PPP1R12C: variants seen among roughly 807,000 people sequenced by gnomAD.
The protein encoded by PPP1R12C is leukocyte receptor cluster (LRC) encoded novel gene 3.
A neutral mutation model predicts 95.6 loss-of-function variants in PPP1R12C; 48 were observed. The observed-to-expected ratio is 0.50, with a 90% confidence interval of 0.40 to 0.64. PPP1R12C has a LOEUF of 0.64. Among genes scored for constraint, PPP1R12C ranks in the 30% least tolerant of loss-of-function variants. The probability of loss-of-function intolerance (pLI) is 0.00; values close to 1 mark genes in which losing one functional copy is unlikely to be tolerated. For missense variants in PPP1R12C, 1,057 were observed against 1,083.3 expected (o/e 0.98, Z 0.34); for synonymous variants, 480 against 460.8 (o/e 1.04, Z -0.53).
chr19:55,101,020 G>C (rs561458133), intron 4 of PPP1R12C, among the ~76,000 whole-genome samples: 1 of 152,060 alleles, frequency 6.6e-6, no homozygotes, highest in South Asian at 2.1e-4. Flanking sequence ...AGGCTGAGGC[G>C]GGCAGATCAC....
Position 55,117,491 on chromosome 19 carries a change from GCAGCCGCCGCCGCCGCCCCCGGGC to G in PPP1R12C, c.29_52del (p.Gly10_Ala17del), listed in dbSNP as rs1354893234. On this transcript the variant is annotated inframe_deletion, in exon 1 of 22. Transcript: ENST00000263433. ...CAGCTGCTCCCGTCGCCGCTCCCGG[GCAGCCGCCGCCGCCGCCCCCGGGC>G]CAGCCGCCGGGCCATCCTCTCCGGA... 8 of 1,025,454 alleles carry G rather than the reference GCAGCCGCCGCCGCCGCCCCCGGGC, an allele frequency of 7.8e-6. No homozygotes were observed. Among genetic ancestry groups the G allele is most frequent in the African/African-American group, 5.2e-5 (3 of 57,196 alleles). 63.5% of individuals were successfully genotyped at this position (1,025,454 alleles called of 1,614,324 possible).
At chr19:55,116,856 G>C (rs1466588999) in intron 1 of PPP1R12C, among the ~76,000 whole-genome samples, 1 of 152,218 alleles carries the variant, frequency 6.6e-6, no homozygotes, top group Non-Finnish European at 1.5e-5. Context: ...TCGGAAGAGG[G>C]GAAGTCGAGG....
At chr19:55,106,983 ACCTGTCTAAG>A (rs2085045354) in intron 3 of PPP1R12C, among the ~76,000 whole-genome samples, 1 of 152,076 alleles carries the variant, frequency 6.6e-6, no homozygotes. Context: ...CACGGAGAGA[ACCTGTCTAAG>A]AGTGAAGCCA....
rs748281333 is a variant in PPP1R12C, at chr19:55,096,118, C to A, written c.1086G>T (p.Glu362Asp). Reference protein sequence around the residue: ...EKISLQDLSKERRPGGAGGPP... With the variant: ...EKISLQDLSKDRRPGGAGGPP... ...GCCCCCCAGCCCCACCAGGCCGGCG[C>A]TCCTTGGACAAGTCCTGGAGGGAAA... Residue 362 changes from glutamate to aspartate, a missense_variant, in exon 8 of 22, where the codon GAG becomes GAT. This residue lies in a region of PPP1R12C where 356 missense variants were observed against 330.5 expected (regional missense o/e 1.08). Transcript: ENST00000263433. 6.3e-7 allele frequency: 1 copy of A among 1,598,888 alleles called. No homozygotes were observed. Among genetic ancestry groups the A allele is most frequent in the Non-Finnish European group, 8.5e-7 (1 of 1,174,060 alleles).
intron 4 of PPP1R12C, among the ~76,000 whole-genome samples, chr19:55,102,408 A>T (rs1449108794): frequency 6.6e-6 from 1 of 152,178 alleles, no homozygotes; most frequent in Non-Finnish European, 1.5e-5. Flanking sequence ...GCTCCTGGGG[A>T]GGCTGAGGCA....
At chr19:55,115,482 C>G (rs1246951554) in intron 1 of PPP1R12C, 1 of 152,292 alleles carries the variant, frequency 6.6e-6, no homozygotes, top group Non-Finnish European at 1.5e-5. Context: ...AGCTCAGGTT[C>G]TGGGAGAGGG....
Position 55,095,271 on chromosome 19 carries a change from C to A in PPP1R12C, c.1454+20G>T. The A allele has an allele frequency of 1.3e-6, 2 of 1,558,430 alleles. No individual in the cohort carries two copies. Among genetic ancestry groups the A allele is most frequent in the South Asian group, 2.4e-5 (2 of 84,600 alleles). ...ACATCTGCCACCCACCCCTGAGGGG[C>A]CCAGGCCCTGGGGACTCACAGGACA... On this transcript the variant is annotated intron_variant, in intron 11 of 21. Transcript: ENST00000263433.
chr19:55,113,233 G>C (rs1356017609), intron 1 of PPP1R12C: 79 of 550,108 alleles, frequency 1.4e-4, no homozygotes, highest in Non-Finnish European at 1.5e-5. Flanking sequence ...AACCCAGCCA[G>C]GTCCTTCCAA....
In PPP1R12C at chr19:55,104,406, T is replaced by C. The variant is rs990937626; in HGVS notation, c.572-838A>G. On this transcript the variant is annotated intron_variant, in intron 3 of 21. Coordinates refer to ENST00000263433, the MANE Select transcript of PPP1R12C (RefSeq NM_017607.4). ...TGATAAAATGTATGAAGATGCTGGA[T>C]TAAGATTATATTGGGGGGTGGCACA... Among the ~76,000 whole-genome samples, 9 of 151,368 alleles carry C rather than the reference T, an allele frequency of 5.9e-5. No homozygotes were observed. The South Asian group carries it at 6.2e-4, about 10-fold the overall frequency.
intron 3 of PPP1R12C, among the ~76,000 whole-genome samples, chr19:55,108,510 A>G (rs925267295): frequency 4.0e-4 from 61 of 152,036 alleles, no homozygotes; most frequent in African/African-American, 1.2e-3. Context: ...CCACTAAACT[A>G]CTTCCTATTC....
rs57970252 is a variant in PPP1R12C, at chr19:55,093,093, GC to G, written c.1765-18del. On this transcript the variant is annotated intron_variant, in intron 14 of 21. Coordinates refer to ENST00000263433, the MANE Select transcript of PPP1R12C (RefSeq NM_017607.4). ...GGAAGGGTCCTGTCGGGAGGGGGAGGCGAGTCAGGGAAGCAGGACATCCCGC... is the reference window on the plus strand; with the variant it reads ...GGAAGGGTCCTGTCGGGAGGGGGAGGGAGTCAGGGAAGCAGGACATCCCGC... 0.013 allele frequency: 20,949 copies of G among 1,611,652 alleles called. 2,350 individuals carry two copies. The African/African-American group carries it at 0.25, about 19-fold the overall frequency.
intron 3 of PPP1R12C, among the ~76,000 whole-genome samples, chr19:55,107,778 C>T (rs538827957): frequency 4.6e-5 from 7 of 151,434 alleles, no homozygotes; most frequent in Admixed American, 4.6e-4. Flanking sequence ...ACCAACATGG[C>T]ACATGTATAC....
intron 3 of PPP1R12C, chr19:55,112,193 C>G (rs2085103540): frequency 6.4e-6 from 1 of 157,408 alleles, no homozygotes; most frequent in Non-Finnish European, 1.4e-5. Context: ...CCCACCCCGC[C>G]CCGGCATTCC....
Position 55,094,666 on chromosome 19 carries a change from T to TCGGTCC in PPP1R12C, c.1581_1586dup (p.Asp528_Arg529dup), listed in dbSNP as rs1568806205. 6.3e-7 allele frequency: 1 copy of TCGGTCC among 1,590,946 alleles called. No homozygotes were observed. The highest frequency in any genetic ancestry group is 8.5e-7 in the Non-Finnish European group (1 of 1,172,262). On this transcript the variant is annotated inframe_insertion, in exon 12 of 22. Transcript: ENST00000263433. Reference sequence around the variant, plus strand: ...TCCTGCCCTGGCCTCTTCACCTCCGTCGGTCCCGGGAGTCCGCTGGGGGCG... The same window carrying TCGGTCC: ...TCCTGCCCTGGCCTCTTCACCTCCGTCGGTCCCGGTCCCGGGAGTCCGCTGGGGGCG...
At chr19:55,112,856 G>T (rs2085113415) in intron 1 of PPP1R12C, 61 bp from the exon 2 acceptor site, 1 of 1,597,540 alleles carries the variant, frequency 6.3e-7, no homozygotes. Context: ...CAGCAAGTCG[G>T]GACTCCAGAG....
intron 3 of PPP1R12C, among the ~76,000 whole-genome samples, chr19:55,107,598 G>A (rs952504841): frequency 6.6e-6 from 1 of 150,552 alleles, no homozygotes; most frequent in African/African-American, 2.4e-5. Flanking sequence ...ACTATCGCAA[G>A]GACAGAAAAC....
At position 55,112,576 on chromosome 19, in the gene PPP1R12C, C is replaced by G. The variant is rs1295787549; in HGVS notation, c.462G>C (p.Leu154=). Residue 154 remains leucine, a synonymous_variant, in exon 3 of 22, where the codon CTG becomes CTC. Coordinates refer to ENST00000263433, the MANE Select transcript of PPP1R12C (RefSeq NM_017607.4). The part of the protein sequence containing the change: ...CGYLDIARYL[L]SHGANIAAVN... ...CGGCGGCGATGTTGGCCCCGTGGCT[C>G]AGGAGGTACCTGGGGGTGGGGGCTG... 3.7e-6 allele frequency: 6 copies of G among 1,613,184 alleles called. No homozygotes were observed. The highest frequency in any genetic ancestry group is 5.1e-6 in the Non-Finnish European group (6 of 1,179,666).
At position 55,112,517 on chromosome 19, in the gene PPP1R12C, G is replaced by C. The variant is rs376375476; in HGVS notation, c.521C>G (p.Ala174Gly). The C allele has an allele frequency of 4.5e-5, 72 of 1,613,280 alleles. No homozygotes were observed. The highest frequency in any genetic ancestry group is 5.6e-5 in the Non-Finnish European group (66 of 1,179,834). Residue 174 changes from alanine (A) to glycine (G), a missense_variant, in exon 3 of 22, where the codon GCC becomes GGC. By Grantham distance (60) the Ala-to-Gly change is moderately conservative. Around this residue, in one of 5 missense-constraint regions of PPP1R12C, gnomAD observed 282 missense variants for 380.4 expected, o/e 0.74. Transcript: ENST00000263433. ...CAGCCCCTCCATGGCGTCCGACTCG[G>C]CCAGGTCCAGGGGCAGGTCCCCGTC... ...NSDGDLPLDLAESDAMEGLLK... is the reference protein window; with the variant it reads ...NSDGDLPLDLGESDAMEGLLK...
chr19:55,095,323 G>A lies in PPP1R12C; in HGVS notation c.1422C>T (p.Thr474=). The A allele has an allele frequency of 6.3e-7, 1 of 1,589,744 alleles. No homozygotes were observed. Among genetic ancestry groups the A allele is most frequent in the Non-Finnish European group, 8.6e-7 (1 of 1,168,478 alleles). Residue 474 remains threonine, a synonymous_variant, in exon 11 of 22, where the codon ACC becomes ACT. Coordinates refer to ENST00000263433, the MANE Select transcript of PPP1R12C (RefSeq NM_017607.4). ...AGGGCTCCGGCAGCTTCGGGGAGGG[G>A]GTCGGGGTAATTCTGGCAAGACGGA... The part of the protein sequence containing the change: ...KELRLARITP[T]PSPKLPEPSV...
Sources: allele counts gnomAD v4.1 joint callset (sites outside exome capture counted in the v4.1 genomes callset), GRCh38; gene constraint gnomAD v4.1.1; regional missense constraint gnomAD v4.1.1; transcripts MANE v1.5; gene names NCBI Gene and HGNC (gene_info 2026-07-23, HGNC 2026-07-21).